The following LRP1B variants were observed in gnomAD, a reference collection of about 807,000 sequenced individuals.
LRP1B encodes low-density lipoprotein receptor-related protein 1B.
A neutral mutation model predicts 556.6 loss-of-function variants in LRP1B; 217 were observed. The ratio of observed to expected loss-of-function variants is 0.39; its 90% confidence interval spans 0.35 to 0.44. The LOEUF (loss-of-function observed/expected upper bound fraction) is 0.44, where lower values mean the gene tolerates loss of function less well. LRP1B is among the 20% of genes least tolerant of loss of function. The probability of loss-of-function intolerance (pLI) is 1.00; values close to 1 mark genes in which losing one functional copy is unlikely to be tolerated. For missense variants in LRP1B, 5,053 were observed against 5,620.8 expected (o/e 0.90, Z 3.23); for synonymous variants, 2,047 against 1,865.8 (o/e 1.10, Z -2.50).
intron 1 of LRP1B, among the ~76,000 whole-genome samples, chr2:141,902,214 C>A (rs187292021): frequency 1.8e-3 from 280 of 151,566 alleles, no homozygotes; most frequent in African/African-American, 6.2e-3. Context: ...GCATTAGTTT[C>A]TTTCTTCCAG....
chr2:140,551,679 A>G (rs1680553627), intron 43 of LRP1B, among the ~76,000 whole-genome samples: 1 of 152,170 alleles, frequency 6.6e-6, no homozygotes, highest in Non-Finnish European at 1.5e-5. Context: ...GAACCAAAAG[A>G]GTTTCAGAGA....
At chr2:140,924,589 G>T (rs1026394033) in intron 20 of LRP1B, among the ~76,000 whole-genome samples, 2 of 151,936 alleles carry the variant, frequency 1.3e-5, no homozygotes, top group African/African-American at 4.8e-5. Flanking sequence ...AAGTTCCATT[G>T]GTCAAAAACA....
At chr2:140,522,982 G>A (rs1391039701) in intron 49 of LRP1B, among the ~76,000 whole-genome samples, 1 of 151,852 alleles carries the variant, frequency 6.6e-6, no homozygotes, top group East Asian at 1.9e-4. Flanking sequence ...TGATACCAAT[G>A]CTGCTGAAAC....
At chr2:142,021,575 C>T (rs562840195) in intron 1 of LRP1B, among the ~76,000 whole-genome samples, 3 of 152,072 alleles carry the variant, frequency 2.0e-5, no homozygotes, top group Admixed American at 2.0e-4. Context: ...GTTTAATATC[C>T]TACTTCAAGG....
chr2:140,700,724 T>C lies in LRP1B; in HGVS notation c.6428-103A>G. 13 of 1,221,094 alleles carry C rather than the reference T, an allele frequency of 1.1e-5. 1 individual carries two copies. In the South Asian group the frequency reaches 1.9e-4, roughly 18 times the overall value. 75.6% of individuals were successfully genotyped at this position (1,221,094 alleles called of 1,614,324 possible). ...AATATTAAAACTTTGATGTTGAATA[T>C]TCTCTTTTTGCTCTTAATTTTAAGC... On this transcript the variant is annotated intron_variant, in intron 40 of 90. Coordinates refer to ENST00000389484, the MANE Select transcript of LRP1B (RefSeq NM_018557.3).
intron 1 of LRP1B, among the ~76,000 whole-genome samples, chr2:142,095,142 T>TC (rs931980653): frequency 7.9e-5 from 12 of 151,082 alleles, no homozygotes; most frequent in African/African-American, 2.9e-4. Flanking sequence ...AAAAAAGCTT[T>TC]TTTTTTTTTA....
chr2:140,804,394 T>C (rs981277807), intron 32 of LRP1B, among the ~76,000 whole-genome samples: 1 of 152,164 alleles, frequency 6.6e-6, no homozygotes, highest in Non-Finnish European at 1.5e-5. Flanking sequence ...TGATGATGTC[T>C]GTATGCTAAT....
rs1432115579 is a variant in LRP1B at position 140,502,944 on chromosome 2, A to G, written c.8662+19T>C. The G allele has an allele frequency of 1.2e-6, 2 of 1,611,222 alleles. No individual in the cohort carries two copies. The highest frequency in any genetic ancestry group is 8.5e-7 in the Non-Finnish European group (1 of 1,177,758). ...GAAAACACTTTAGAGTAAATGCGGT[A>G]TTGTATATATTTCTGTACCTGCACT... On this transcript the variant is annotated intron_variant, in intron 54 of 90. Transcript: ENST00000389484.
chr2:140,491,706 T>C (rs998085937), intron 57 of LRP1B, among the ~76,000 whole-genome samples: 10 of 152,176 alleles, frequency 6.6e-5, no homozygotes, highest in Admixed American at 2.0e-4. Context: ...GTTATTTATG[T>C]CTTAAATAGT....
rs377349498 is a variant in LRP1B, at chr2:141,335,433, G to A, written c.344-80792C>T. ...GGCATAATTGGTGTTTATTATGGCA[G>A]AGAAGGCTGAAATAGAGTAGTTTAG... On this transcript the variant is annotated intron_variant, in intron 3 of 90. Coordinates refer to ENST00000389484, the MANE Select transcript of LRP1B (RefSeq NM_018557.3). Among the ~76,000 whole-genome samples, 82 of 152,304 alleles carry A rather than the reference G, an allele frequency of 5.4e-4. No individual in the cohort carries two copies. The South Asian group carries it at 0.017, about 31-fold the overall frequency.
At chr2:140,802,698 T>A (rs940429550) in intron 32 of LRP1B, among the ~76,000 whole-genome samples, 1 of 152,072 alleles carries the variant, frequency 6.6e-6, no homozygotes, top group Non-Finnish European at 1.5e-5. Flanking sequence ...ATTGAATTGA[T>A]TTTTTTTATT....
At chr2:141,579,723 A>ATTTTTTTTTTTTTTTTTTT (rs1559153915) in intron 2 of LRP1B, among the ~76,000 whole-genome samples, 1 of 31,146 alleles carries the variant, frequency 3.2e-5, no homozygotes, top group Non-Finnish European at 6.5e-5. Context: ...ATCAGGTTTC[A>ATTTTTTTTTTTTTTTTTTT]CTTTTTTTTT....
chr2:141,916,776 G>C (rs547897092), intron 1 of LRP1B, among the ~76,000 whole-genome samples: 5 of 152,056 alleles, frequency 3.3e-5, no homozygotes, highest in Non-Finnish European at 7.4e-5. Flanking sequence ...AGAGTGGGAA[G>C]GGAGAGAGGA....
chr2:140,375,943 C>A (rs1369190323), intron 68 of LRP1B, among the ~76,000 whole-genome samples: 1 of 151,910 alleles, frequency 6.6e-6, no homozygotes, highest in African/African-American at 2.4e-5. Context: ...AACTTATCTT[C>A]ACAATTCTCC....
chr2:141,796,474 A>G (rs1414680098), intron 2 of LRP1B, among the ~76,000 whole-genome samples: 1 of 151,962 alleles, frequency 6.6e-6, no homozygotes, highest in African/African-American at 2.4e-5. Flanking sequence ...ATGCTATTAT[A>G]GGCAGGCTCT....
intron 2 of LRP1B, among the ~76,000 whole-genome samples, chr2:141,634,696 T>C (rs548603310): frequency 5.3e-4 from 80 of 152,090 alleles, no homozygotes; most frequent in African/African-American, 1.8e-3. Flanking sequence ...AAGAGGTATA[T>C]AGCTAATATT....
intron 7 of LRP1B, among the ~76,000 whole-genome samples, chr2:141,156,048 G>A (rs1702057204): frequency 6.6e-6 from 1 of 151,922 alleles, no homozygotes; most frequent in South Asian, 2.1e-4. Flanking sequence ...CTAGAATCCA[G>A]GAAGAAATTA....
intron 41 of LRP1B, among the ~76,000 whole-genome samples, chr2:140,689,070 C>T (rs918663036): frequency 2.0e-5 from 3 of 152,168 alleles, no homozygotes; most frequent in African/African-American, 7.2e-5. Context: ...TAAAATAAAA[C>T]ATATTTAATT....
chr2:140,443,136 C>A (rs1431858202), intron 65 of LRP1B, among the ~76,000 whole-genome samples: 1 of 152,314 alleles, frequency 6.6e-6, no homozygotes, highest in East Asian at 1.9e-4. Flanking sequence ...TCTTGGCTCA[C>A]TGCAACCTCC....
Sources: gnomAD v4.1 joint callset for allele counts (sites outside exome capture counted in the v4.1 genomes callset) on GRCh38, gnomAD v4.1.1 for gene constraint, MANE v1.5 for transcripts, NCBI Gene and HGNC (gene_info 2026-07-23, HGNC 2026-07-21) for gene names.